The following PPP2R5E variants were observed in gnomAD, a reference collection of about 807,000 sequenced individuals.
PPP2R5E encodes protein phosphatase 2 regulatory subunit B'epsilon.
PPP2R5E carries 4 observed loss-of-function variants against 65.3 expected under a neutral mutation model. The observed-to-expected ratio is 0.06, with a 90% CI of 0.03 to 0.14. PPP2R5E has a LOEUF of 0.14. Among genes scored for constraint, PPP2R5E ranks in the 10% least tolerant of loss-of-function variants. The probability of loss-of-function intolerance (pLI) is 1.00; values close to 1 mark genes in which losing one functional copy is unlikely to be tolerated. For missense variants in PPP2R5E, 274 were observed against 556.1 expected (o/e 0.49, Z 5.10); for synonymous variants, 183 against 187.4 (o/e 0.98, Z 0.19).
intron 13 of PPP2R5E, among the ~76,000 whole-genome samples, chr14:63,376,865 A>C (rs1198706283): frequency 6.6e-6 from 1 of 152,186 alleles, no homozygotes; most frequent in Non-Finnish European, 1.5e-5. Context: ...TGTTGCAGCG[A>C]ACCAATAAAA....
chr14:63,460,955 G>T (rs958242811), intron 2 of PPP2R5E, among the ~76,000 whole-genome samples: 1 of 152,194 alleles, frequency 6.6e-6, no homozygotes, highest in African/African-American at 2.4e-5. Context: ...ATGACACAGT[G>T]TTTCCAACAC....
chr14:63,461,994 T>C (rs908101725), intron 2 of PPP2R5E, among the ~76,000 whole-genome samples: 5 of 152,114 alleles, frequency 3.3e-5, no homozygotes, highest in African/African-American at 1.2e-4. Context: ...CTGAGCCATA[T>C]TATTCCTTTC....
At chr14:63,434,161 C>T (rs1457498629) in intron 3 of PPP2R5E, among the ~76,000 whole-genome samples, 1 of 152,098 alleles carries the variant, frequency 6.6e-6, no homozygotes, top group East Asian at 1.9e-4. Context: ...CCAGTAACTT[C>T]TGCTAATTCA....
rs186853057 is a variant in PPP2R5E at position 63,395,161 on chromosome 14, C to T, written c.740+65G>A. Reference sequence around the variant, plus strand: ...AGAACTAGGTGAGCATCTCTTGGTGCCACCTGAACCTAATTTTTAAAATAA... The same window carrying T: ...AGAACTAGGTGAGCATCTCTTGGTGTCACCTGAACCTAATTTTTAAAATAA... On this transcript the variant is annotated intron_variant, in intron 7 of 13. Transcript: ENST00000337537. 141 of 1,365,986 alleles carry T rather than the reference C, an allele frequency of 1.0e-4. 1 individual carries two copies. In the East Asian group the frequency reaches 2.9e-3, roughly 28 times the overall value. The allele number at this position is 1,365,986 out of a possible 1,614,324, so 84.6% of individuals were successfully genotyped here. A position where few individuals can be genotyped will look rare whatever the true frequency, so the allele number is the denominator to read the frequency against.
chr14:63,456,019 G>A (rs768161508), intron 2 of PPP2R5E, among the ~76,000 whole-genome samples: 13 of 152,006 alleles, frequency 8.6e-5, no homozygotes, highest in African/African-American at 1.7e-4. Context: ...TGCCCACCTC[G>A]GCCTCCCAAA....
intron 2 of PPP2R5E, among the ~76,000 whole-genome samples, chr14:63,461,250 T>C (rs1889442576): frequency 6.6e-6 from 1 of 151,838 alleles, no homozygotes; most frequent in Admixed American, 6.6e-5. Flanking sequence ...CAGGCTATAC[T>C]AAAAAAGAGC....
chr14:63,533,999 T>C (rs920835945), intron 2 of PPP2R5E, among the ~76,000 whole-genome samples: 1 of 152,152 alleles, frequency 6.6e-6, no homozygotes, highest in Non-Finnish European at 1.5e-5. Flanking sequence ...TATAATTCCA[T>C]CTTCAAAGAG....
intron 2 of PPP2R5E, among the ~76,000 whole-genome samples, chr14:63,456,903 C>CAG (rs10649351): frequency 0.36 from 55,071 of 151,990 alleles, 13,956 homozygotes; most frequent in African/African-American, 0.72. Flanking sequence ...AGAATTAACA[C>CAG]AGCAAAAGCT....
intron 3 of PPP2R5E, among the ~76,000 whole-genome samples, chr14:63,444,754 T>A (rs186023319): frequency 1.6e-4 from 24 of 152,230 alleles, no homozygotes; most frequent in African/African-American, 4.3e-4. Context: ...CAAAAAGGCA[T>A]TAGCATAATG....
At chr14:63,453,073 TA>T (rs755190769) in intron 3 of PPP2R5E, 5 of 152,188 alleles carry the variant, frequency 3.3e-5, no homozygotes, top group Non-Finnish European at 5.9e-5. Flanking sequence ...TTTGAAAAAC[TA>T]AAATAATTGT....
chr14:63,500,206 A>T (rs944534950), intron 2 of PPP2R5E, among the ~76,000 whole-genome samples: 1 of 152,180 alleles, frequency 6.6e-6, no homozygotes, highest in Non-Finnish European at 1.5e-5. Context: ...ATGTGTTTTT[A>T]AAAAATTAGT....
chr14:63,517,438 G>T (rs1012217732), intron 2 of PPP2R5E, among the ~76,000 whole-genome samples: 1 of 137,868 alleles, frequency 7.3e-6, no homozygotes, highest in Admixed American at 6.8e-5. Context: ...AACTATTTAG[G>T]TACAAGAGTG....
intron 2 of PPP2R5E, among the ~76,000 whole-genome samples, chr14:63,507,528 A>T (rs1594953113): frequency 9.7e-6 from 1 of 103,136 alleles, no homozygotes; most frequent in Non-Finnish European, 2.1e-5. Context: ...TTTTTAAAGT[A>T]AAAAAAAAAA....
At chr14:63,493,893 C>G (rs1297376360) in intron 2 of PPP2R5E, among the ~76,000 whole-genome samples, 1 of 152,062 alleles carries the variant, frequency 6.6e-6, no homozygotes, top group African/African-American at 2.4e-5. Context: ...CTCCTAAAGT[C>G]GGGTTACTTG....
At chr14:63,403,728 C>T (rs778920031) in intron 5 of PPP2R5E, among the ~76,000 whole-genome samples, 1 of 149,674 alleles carries the variant, frequency 6.7e-6, no homozygotes, top group Non-Finnish European at 1.5e-5. Flanking sequence ...TTAAAGCACA[C>T]ACTAGTGATG....
rs1356830551 is a variant in PPP2R5E at position 63,507,393 on chromosome 14, G to A, written c.157+32136C>T. Reference sequence around the variant, plus strand: ...TGGATTAATCTCAGAAGGGCAGTGTGGGTTCCTTTTAGAAGCCATGAGATA... The same window carrying A: ...TGGATTAATCTCAGAAGGGCAGTGTAGGTTCCTTTTAGAAGCCATGAGATA... On this transcript the variant is annotated intron_variant, in intron 2 of 13. Coordinates refer to ENST00000337537, the MANE Select transcript of PPP2R5E (RefSeq NM_006246.5). 3.3e-5 allele frequency among the ~76,000 whole-genome samples: 5 copies of A among 152,016 alleles called. No homozygotes were observed. In the East Asian group the frequency reaches 9.7e-4, roughly 29 times the overall value.
intron 2 of PPP2R5E, among the ~76,000 whole-genome samples, chr14:63,529,537 G>T (rs1893324421): frequency 6.6e-6 from 1 of 150,996 alleles, no homozygotes; most frequent in African/African-American, 2.4e-5. Flanking sequence ...GTTTTTTTTT[G>T]TTGTTTTTTT....
intron 2 of PPP2R5E, among the ~76,000 whole-genome samples, chr14:63,456,004 T>C (rs1436857158): frequency 1.3e-5 from 2 of 152,180 alleles, no homozygotes; most frequent in African/African-American, 4.8e-5. Context: ...TGACCTCAGG[T>C]GATCTGCCCA....
rs1417331931 is a variant in PPP2R5E at position 63,374,025 on chromosome 14, T to C, written c.*1984A>G. On this transcript the variant is annotated 3_prime_UTR_variant, in exon 14 of 14. Transcript: ENST00000337537. ...TCTTTAAAAAAAAAAAAAAAAAAACTATTAATTCCATTAAACCATGTTGCG... is the reference window on the plus strand; with the variant it reads ...TCTTTAAAAAAAAAAAAAAAAAAACCATTAATTCCATTAAACCATGTTGCG... The C allele has an allele frequency of 3.4e-5, 5 of 148,920 alleles. No homozygotes were observed. Among genetic ancestry groups the C allele is most frequent in the Non-Finnish European group, 3.0e-5 (2 of 67,212 alleles). 9.2% of individuals were successfully genotyped at this position (148,920 alleles called of 1,614,324 possible).
Sources: gnomAD v4.1 joint callset for allele counts (sites outside exome capture counted in the v4.1 genomes callset) on GRCh38, gnomAD v4.1.1 for gene constraint, MANE v1.5 for transcripts, NCBI Gene and HGNC (gene_info 2026-07-23, HGNC 2026-07-21) for gene names.